Variants in H2BW1 observed in about 807,000 individuals in gnomAD.
H2BW1 encodes histone H2B type W-T.
A neutral mutation model predicts 8.0 loss-of-function variants in H2BW1; 9 were observed. That is an observed-to-expected ratio of 1.13 (90% CI 0.68 to 1.97). The LOEUF is 1.97. Ranked by LOEUF, H2BW1 falls within the 30% of genes most tolerant of loss-of-function variation. The pLI is 0.00. For synonymous variants in H2BW1, 58 were observed against 54.7 expected (o/e 1.06, Z -0.26); for missense variants, 137 against 132.0 (o/e 1.04, Z -0.19).
Position 104,013,674 on chromosome X carries a change from G to A in H2BW1, c.-98C>T, listed in dbSNP as rs146388523. The A allele has an allele frequency of 1.1e-3, 1,308 of 1,187,877 alleles. 18 individuals are homozygous for A. The East Asian group carries it at 0.031, about 28-fold the overall frequency. On this transcript the variant is annotated 5_prime_UTR_variant, in exon 1 of 3. Transcript: ENST00000217926. ...GGTACGCAGCATGGCTCCACGTCTC[G>A]GGCCAGCTTCACGTCTGATTGGATG... is the stretch of plus-strand genomic sequence containing the variant.
In H2BW1 at chrX:104,013,669, G is replaced by A. The variant is rs7885967; in HGVS notation, c.-93C>T. On this transcript the variant is annotated 5_prime_UTR_variant, in exon 1 of 3. In the 5' UTR this introduces an upstream ATG that the reference lacks. Transcript: ENST00000217926. ...ACTTCGGTACGCAGCATGGCTCCAC[G>A]TCTCGGGCCAGCTTCACGTCTGATT... is the stretch of plus-strand genomic sequence containing the variant. 482,369 of 1,189,994 alleles carry A rather than the reference G, an allele frequency of 0.41. 68,710 individuals are homozygous for A. Among genetic ancestry groups the A allele is most frequent in the Middle Eastern group, 0.52 (2,249 of 4,315 alleles).
chrX:104,013,590 G>T lies in H2BW1; in HGVS notation c.-14C>A, dbSNP rs782363064. Reference sequence around the variant, plus strand: ...AGGTCCAGCCATGGCGGAGGCAGTGGCCATTAGATGGCACGACCAGACAAT... The same window carrying T: ...AGGTCCAGCCATGGCGGAGGCAGTGTCCATTAGATGGCACGACCAGACAAT... On this transcript the variant is annotated 5_prime_UTR_variant, in exon 1 of 3. Coordinates refer to ENST00000217926, the MANE Select transcript of H2BW1 (RefSeq NM_001002916.5). 4.1e-6 allele frequency: 5 copies of T among 1,211,495 alleles called. No homozygotes were observed. The highest frequency in any genetic ancestry group is 5.6e-6 in the Non-Finnish European group (5 of 895,270).
rs781812504 is a variant in H2BW1, at chrX:104,013,123, C to A, written c.407+47G>T. 11 of 1,162,616 alleles carry A rather than the reference C, an allele frequency of 9.5e-6. No homozygotes were observed. In the South Asian group the frequency reaches 2.2e-4, roughly 24 times the overall value. The stretch of plus-strand genomic sequence containing the variant: ...GCTCTGAAAAGACCCTTTGGGTTCC[C>A]GTGGTGCTCGGGTGCTCCTGAGGGA... On this transcript the variant is annotated intron_variant, in intron 1 of 2. Transcript: ENST00000217926.
intron 1 of H2BW1, 113 bp from the exon 2 acceptor site, chrX:104,012,861 C>T (rs1556337569): frequency 2.7e-6 from 3 of 1,095,693 alleles, no homozygotes; most frequent in African/African-American, 3.7e-5. Flanking sequence ...CAAAAATGAC[C>T]GTTTACGAAA....
At chrX:104,011,841 C>T (rs1310433873) in intron 2 of H2BW1, among the ~76,000 whole-genome samples, 2 of 111,837 alleles carry the variant, frequency 1.8e-5, no homozygotes, top group Admixed American at 9.5e-5. Flanking sequence ...TCAAAATTCA[C>T]GGGAAACATT....
Position 104,013,614 on chromosome X carries a change from A to G in H2BW1, c.-38T>C, listed in dbSNP as rs2075133249. 1.7e-6 allele frequency: 2 copies of G among 1,208,913 alleles called. No homozygotes were observed. The highest frequency in any genetic ancestry group is 2.2e-6 in the Non-Finnish European group (2 of 894,490). On this transcript the variant is annotated 5_prime_UTR_variant, in exon 1 of 3. Coordinates refer to ENST00000217926, the MANE Select transcript of H2BW1 (RefSeq NM_001002916.5). ...GGCCATTAGATGGCACGACCAGACA[A>G]TGGCGGTTGTGGACCGGGGAAGCCG...
chrX:104,013,067 G>C, intron 1 of H2BW1, 103 bp downstream of exon 1: 2 of 1,080,248 alleles, frequency 1.9e-6, no homozygotes, highest in African/African-American at 1.9e-5. Context: ...CCCCCTTGGC[G>C]AGCCACTGGT....
rs368868380 is a variant in H2BW1 at position 104,013,601 on chromosome X, G to T, written c.-25C>A. On this transcript the variant is annotated 5_prime_UTR_variant, in exon 1 of 3. An upstream open reading frame in the 5' UTR gains an earlier in-frame stop. Transcript: ENST00000217926. ...TGGCGGAGGCAGTGGCCATTAGATG[G>T]CACGACCAGACAATGGCGGTTGTGG... 16 of 1,209,704 alleles carry T rather than the reference G, an allele frequency of 1.3e-5. No homozygotes were observed. In the African/African-American group the frequency reaches 2.8e-4, roughly 21 times the overall value.
Position 104,012,749 on chromosome X carries a change from C to T in H2BW1, c.408-1G>A, listed in dbSNP as rs2075129668. The T allele has an allele frequency of 1.5e-5, 18 of 1,209,958 alleles. No individual in the cohort carries two copies. The highest frequency in any genetic ancestry group is 2.0e-5 in the Non-Finnish European group (18 of 895,276). On this transcript the variant is annotated splice_acceptor_variant, in intron 1 of 2. Coordinates refer to ENST00000217926, the MANE Select transcript of H2BW1 (RefSeq NM_001002916.5). LOFTEE classifies it high-confidence loss of function. ...TTGCTGTATGGCATACAGTGAAGTT[C>T]TGGAAAATTCCACCATCCAGTCACA...
rs781923251 is a variant in H2BW1, at chrX:104,013,276, T to C, written c.301A>G (p.Lys101Glu). Reference sequence around the variant, plus strand: ...TCCCAGGCAGTGATGGTCTGGCGCTTGGTGGAGCGGGCCAGGTGACCAGCC... The same window carrying C: ...TCCCAGGCAGTGATGGTCTGGCGCTCGGTGGAGCGGGCCAGGTGACCAGCC... ...TEAGHLARST[K>E]RQTITAWETR... The change falls in exon 1 of 3, where the codon AAG becomes GAG. Residue 101 changes from lysine (K) to glutamate (E), a missense_variant. By Grantham distance (56) the Lys-to-Glu change is moderately conservative. Coordinates refer to ENST00000217926, the MANE Select transcript of H2BW1 (RefSeq NM_001002916.5). 8 of 1,210,396 alleles carry C rather than the reference T, an allele frequency of 6.6e-6. No individual in the cohort carries two copies. The Admixed American group carries it at 1.7e-4, about 26-fold the overall frequency.
At chrX:104,013,065 G>A in intron 1 of H2BW1, 105 bp downstream of exon 1, 1 of 1,072,386 alleles carries the variant, frequency 9.3e-7, no homozygotes, top group South Asian at 2.2e-5. Flanking sequence ...GTCCCCCTTG[G>A]CGAGCCACTG....
At position 104,013,185 on chromosome X, in the gene H2BW1, G is replaced by C. The variant is rs377520401; in HGVS notation, c.392C>G (p.Thr131Arg). ...QMGKLAESEGTKAVLRTSLYA... is the reference protein window; with the variant it reads ...QMGKLAESEGRKAVLRTSLYA... ...CCTGGTGTACCTGAGGACAGCCTTCGTGCCTTCGGACTCGGCGAGCTTGCC... is the reference window on the plus strand; with the variant it reads ...CCTGGTGTACCTGAGGACAGCCTTCCTGCCTTCGGACTCGGCGAGCTTGCC... Residue 131 changes from threonine to arginine, a missense_variant, in exon 1 of 3, where the codon ACG (threonine) becomes AGG (arginine). Coordinates refer to ENST00000217926, the MANE Select transcript of H2BW1 (RefSeq NM_001002916.5). 8.3e-7 allele frequency: 1 copy of C among 1,206,151 alleles called. No homozygotes were observed. Among genetic ancestry groups the C allele is most frequent in the Non-Finnish European group, 1.1e-6 (1 of 892,476 alleles).
rs1407330150 is a variant in H2BW1, at chrX:104,012,719, C to T, written c.437G>A (p.Arg146Lys). Reference protein sequence around the residue: ...RTSLYAIQQQRK With the variant: ...RTSLYAIQQQKK ...CTTCTTGTATCAGCGTATTCACTTT[C>T]TCTGTTGCTGTATGGCATACAGTGA... Residue 146 changes from arginine (R) to lysine (K), a missense_variant, in exon 2 of 3, where the codon AGA (arginine) becomes AAA (lysine). Arg to Lys is a conservative substitution (Grantham distance 26). Coordinates refer to ENST00000217926, the MANE Select transcript of H2BW1 (RefSeq NM_001002916.5). The T allele has an allele frequency of 8.3e-7, 1 of 1,210,121 alleles. No homozygotes were observed. Among genetic ancestry groups the T allele is most frequent in the Admixed American group, 2.2e-5 (1 of 45,774 alleles).
At position 104,013,010 on chromosome X, in the gene H2BW1, GC is replaced by G. The variant is rs202027739; in HGVS notation, c.407+159del. On this transcript the variant is annotated intron_variant, in intron 1 of 2. Transcript: ENST00000217926. ...CATTGCAGGATGCCACACGCCACATGCCCCCCAAGTCGGAAGGGCACCACCC... is the reference window on the plus strand; with the variant it reads ...CATTGCAGGATGCCACACGCCACATGCCCCCAAGTCGGAAGGGCACCACCC... 9.0e-3 allele frequency among the ~76,000 whole-genome samples: 1,016 copies of G among 112,269 alleles called. 15 individuals are homozygous for G. Among genetic ancestry groups the G allele is most frequent in the African/African-American group, 0.031 (960 of 30,873 alleles).
rs1556337148 is a variant in H2BW1, at chrX:104,011,194, G to A, written c.*292C>T. 1.8e-5 allele frequency: 2 copies of A among 112,552 alleles called. No individual in the cohort carries two copies. Among genetic ancestry groups the A allele is most frequent in the African/African-American group, 6.5e-5 (2 of 30,921 alleles). 9.3% of individuals were successfully genotyped at this position (112,552 alleles called of 1,213,427 possible). On this transcript the variant is annotated 3_prime_UTR_variant, in exon 3 of 3. Transcript: ENST00000217926. ...TGTCCCATTTGACAGAAAGACTGGC[G>A]CTTTAAAGCGAAAACAATTAGCATA...
In H2BW1 at chrX:104,013,648, C is replaced by T. The variant is rs369212037; in HGVS notation, c.-72G>A. On this transcript the variant is annotated 5_prime_UTR_variant, in exon 1 of 3. Coordinates refer to ENST00000217926, the MANE Select transcript of H2BW1 (RefSeq NM_001002916.5). Reference sequence around the variant, plus strand: ...GTGGACCGGGGAAGCCGGGGCACTTCGGTACGCAGCATGGCTCCACGTCTC... The same window carrying T: ...GTGGACCGGGGAAGCCGGGGCACTTTGGTACGCAGCATGGCTCCACGTCTC... The T allele has an allele frequency of 6.4e-5, 77 of 1,200,145 alleles. No individual in the cohort carries two copies. In the South Asian group the frequency reaches 9.4e-4, roughly 15 times the overall value.
chrX:104,012,091 C>T (rs1488850791), intron 2 of H2BW1, among the ~76,000 whole-genome samples: 1 of 111,959 alleles, frequency 8.9e-6, no homozygotes, highest in Non-Finnish European at 1.9e-5. Flanking sequence ...CCTATATTAA[C>T]ATTAACATGA....
chrX:104,013,140 C>T (rs782522866), intron 1 of H2BW1, 30 bp downstream of exon 1: 1 of 1,180,514 alleles, frequency 8.5e-7, no homozygotes, highest in East Asian at 3.0e-5. Flanking sequence ...CTCGGGTGCT[C>T]CTGAGGGAGC....
In H2BW1 at chrX:104,013,304, G is replaced by C; in HGVS notation, c.273C>G (p.Thr91=). 8.3e-7 allele frequency: 1 copy of C among 1,212,006 alleles called. No individual in the cohort carries two copies. Among genetic ancestry groups the C allele is most frequent in the East Asian group, 3.0e-5 (1 of 33,850 alleles). ...TGGAGCGGGCCAGGTGACCAGCCTC[G>C]GTGGCGATGCGGTCCAATATGTCAT... ...LVHDILDRIA[T]EAGHLARSTK... The change falls in exon 1 of 3, where the codon ACC becomes ACG. Residue 91 remains threonine (T), a synonymous_variant. Coordinates refer to ENST00000217926, the MANE Select transcript of H2BW1 (RefSeq NM_001002916.5).
Sources: allele counts gnomAD v4.1 joint callset (sites outside exome capture counted in the v4.1 genomes callset), GRCh38; gene constraint gnomAD v4.1.1; transcripts MANE v1.5; gene names NCBI Gene and HGNC (gene_info 2026-07-23, HGNC 2026-07-21).